Variants in MTHFD1 observed in about 807,000 individuals in gnomAD.
MTHFD1 encodes the protein methylenetetrahydrofolate dehydrogenase, cyclohydrolase and formyltetrahydrofolate synthetase 1.
A neutral mutation model predicts 110.3 loss-of-function variants in MTHFD1; 44 were observed. That is an observed-to-expected ratio of 0.40 (90% CI 0.31 to 0.51). The LOEUF is 0.51. Ranked by LOEUF, MTHFD1 falls within the 20% of genes least tolerant of loss-of-function variation. The pLI is 0.60. For synonymous variants in MTHFD1, 402 were observed against 428.8 expected, an observed-to-expected ratio of 0.94 and a Z score of 0.77; for missense variants, 909 against 1,173.1, an observed-to-expected ratio of 0.77 and a Z score of 3.29.
chr14:64,431,397 TG>T (rs773617923), intron 13 of MTHFD1, 134 bp from the exon 14 acceptor site: 19 of 732,328 alleles, frequency 2.6e-5, no homozygotes, highest in Non-Finnish European at 3.4e-5. Context: ...CTCCCTATAT[TG>T]GGTGTTTGTC....
At chr14:64,444,438 T>C (rs956534463) in intron 21 of MTHFD1, among the ~76,000 whole-genome samples, 1 of 151,966 alleles carries the variant, frequency 6.6e-6, no homozygotes, top group African/African-American at 2.4e-5. Context: ...TTTCCACCTC[T>C]CCTGCCATCG....
chr14:64,456,150 C>G (rs1236125218), intron 26 of MTHFD1, among the ~76,000 whole-genome samples: 1 of 152,232 alleles, frequency 6.6e-6, no homozygotes, highest in Non-Finnish European at 1.5e-5. Flanking sequence ...GAAAGCAAAT[C>G]TGGAAGCAGT....
chr14:64,424,960 G>A, intron 9 of MTHFD1, 29 bp downstream of exon 9: 4 of 1,613,916 alleles, frequency 2.5e-6, no homozygotes, highest in Non-Finnish European at 3.4e-6. Context: ...TTCTATAAGA[G>A]TTCTGAAAAG....
intron 2 of MTHFD1, 78 bp from the exon 3 acceptor site, chr14:64,411,012 A>T: frequency 9.6e-7 from 1 of 1,037,730 alleles, no homozygotes; most frequent in Middle Eastern, 2.0e-4. Flanking sequence ...TTCTTTTATT[A>T]AAACTAAAAT....
intron 8 of MTHFD1, among the ~76,000 whole-genome samples, chr14:64,424,602 T>G (rs775035427): frequency 2.6e-5 from 4 of 152,222 alleles, no homozygotes; most frequent in African/African-American, 9.6e-5. Flanking sequence ...AAACCACTTA[T>G]GCATCTTGTG....
chr14:64,434,348 C>T (rs1038582372), intron 15 of MTHFD1, among the ~76,000 whole-genome samples: 7 of 151,970 alleles, frequency 4.6e-5, no homozygotes, highest in African/African-American at 9.7e-5. Flanking sequence ...CCCAGCAGTT[C>T]GAGACCAGCC....
intron 1 of MTHFD1, among the ~76,000 whole-genome samples, chr14:64,399,659 A>C: frequency 9.7e-5 from 1 of 10,344 alleles, no homozygotes; most frequent in Non-Finnish European, 1.2e-3. Flanking sequence ...CCCATCTCAA[A>C]AAAAAAAAAA....
chr14:64,398,163 TA>T (rs11324178), intron 1 of MTHFD1, among the ~76,000 whole-genome samples: 137,542 of 151,492 alleles, frequency 0.91, 62,842 homozygotes, highest in Middle Eastern at 0.99. Context: ...CAATCCCAGT[TA>T]AAAAAAAAAA....
intron 2 of MTHFD1, among the ~76,000 whole-genome samples, chr14:64,409,536 C>G (rs1282792687): frequency 6.6e-6 from 1 of 152,054 alleles, no homozygotes; most frequent in African/African-American, 2.4e-5. Flanking sequence ...CTACTTTGAT[C>G]TAAAAATTCC....
chr14:64,391,326 G>A (rs1194666919), intron 1 of MTHFD1, among the ~76,000 whole-genome samples: 1 of 151,974 alleles, frequency 6.6e-6, no homozygotes, highest in Admixed American at 6.6e-5. Flanking sequence ...TACTATGCCC[G>A]GCTAATTTTT....
At chr14:64,416,673 GTGGT>G (rs936528072) in intron 6 of MTHFD1, among the ~76,000 whole-genome samples, 18 of 152,306 alleles carry the variant, frequency 1.2e-4, no homozygotes, top group African/African-American at 3.8e-4. Flanking sequence ...AAAATTTTCT[GTGGT>G]TGGCAAGAAA....
chr14:64,455,537 G>A (rs1194346578), intron 26 of MTHFD1, among the ~76,000 whole-genome samples: 1 of 152,150 alleles, frequency 6.6e-6, no homozygotes, highest in Non-Finnish European at 1.5e-5. Flanking sequence ...TTGTTCCAAG[G>A]TTAACTTGGA....
intron 24 of MTHFD1, among the ~76,000 whole-genome samples, chr14:64,451,374 G>T (rs2078370422): frequency 6.6e-6 from 1 of 152,038 alleles, no homozygotes. Context: ...CCATAAAAAA[G>T]CAGAAGGAAT....
chr14:64,408,948 C>G (rs1201780393), intron 2 of MTHFD1, among the ~76,000 whole-genome samples: 3 of 152,008 alleles, frequency 2.0e-5, no homozygotes, highest in African/African-American at 7.3e-5. Context: ...GACCCTGTCT[C>G]AAAAATAATA....
At chr14:64,434,616 C>T (rs1377579355) in intron 15 of MTHFD1, among the ~76,000 whole-genome samples, 1 of 152,140 alleles carries the variant, frequency 6.6e-6, no homozygotes, top group Non-Finnish European at 1.5e-5. Context: ...GAAATCCCTT[C>T]ACGTCCTTCA....
intron 4 of MTHFD1, among the ~76,000 whole-genome samples, chr14:64,414,721 A>G (rs951226404): frequency 6.8e-6 from 1 of 146,600 alleles, no homozygotes; most frequent in African/African-American, 2.6e-5. Flanking sequence ...GCAATGGCAC[A>G]ATCTCAACTC....
At chr14:64,449,385 A>G in intron 23 of MTHFD1, 60 bp from the exon 24 acceptor site, 2 of 1,577,802 alleles carry the variant, frequency 1.3e-6, no homozygotes, top group Non-Finnish European at 1.7e-6. Flanking sequence ...TGGCAAAAAG[A>G]AGACAATTCT....
chr14:64,407,638 C>T (rs2077945601), intron 2 of MTHFD1, among the ~76,000 whole-genome samples: 1 of 151,250 alleles, frequency 6.6e-6, no homozygotes. Flanking sequence ...TCTGCCCTCC[C>T]CTGTCCCCCA....
intron 8 of MTHFD1, among the ~76,000 whole-genome samples, chr14:64,422,107 G>A (rs1287262181): frequency 6.6e-6 from 1 of 152,012 alleles, no homozygotes; most frequent in Non-Finnish European, 1.5e-5. Flanking sequence ...GATTCCTTAT[G>A]TAGACAATAA....
Sources: allele counts gnomAD v4.1 joint callset (sites outside exome capture counted in the v4.1 genomes callset), GRCh38; gene constraint gnomAD v4.1.1; transcripts MANE v1.5; gene names NCBI Gene and HGNC (gene_info 2026-07-23, HGNC 2026-07-21).